KIAA1958: variants seen among roughly 807,000 people sequenced by gnomAD.
KIAA1958 encodes KIAA1958.
In KIAA1958, 14 loss-of-function variants were observed where a neutral mutation model predicts 47.2. That is an observed-to-expected ratio of 0.30 (90% CI 0.20 to 0.46). The LOEUF is 0.46. KIAA1958 is among the 20% of genes least tolerant of loss of function. KIAA1958 has a pLI of 1.00. For missense variants in KIAA1958, 803 were observed against 909.2 expected (o/e 0.88, Z 1.50); for synonymous variants, 354 against 353.3 (o/e 1.00, Z -0.02).
chr9:112,643,864 C>T (rs925840733), intron 2 of KIAA1958, among the ~76,000 whole-genome samples: 1 of 152,054 alleles, frequency 6.6e-6, no homozygotes, highest in Non-Finnish European at 1.5e-5. Context: ...AAAAAAAAGA[C>T]GGTATTTTGA....
chr9:112,516,282 A>AT (rs1834432820), intron 1 of KIAA1958, among the ~76,000 whole-genome samples: 1 of 151,752 alleles, frequency 6.6e-6, no homozygotes, highest in Admixed American at 6.6e-5. Context: ...CATCTCTTAA[A>AT]AAAAAAAAAG....
chr9:112,640,970 T>TC (rs1448424344), intron 2 of KIAA1958, among the ~76,000 whole-genome samples: 2 of 152,216 alleles, frequency 1.3e-5, no homozygotes, highest in East Asian at 3.8e-4. Flanking sequence ...CCATTATGCT[T>TC]CATCTATTTC....
At chr9:112,547,607 G>GT (rs1835062592) in intron 1 of KIAA1958, among the ~76,000 whole-genome samples, 1 of 151,804 alleles carries the variant, frequency 6.6e-6, no homozygotes, top group East Asian at 1.9e-4. Flanking sequence ...CAGACTCTTT[G>GT]TAGCAGTAAG....
chr9:112,601,839 C>T (rs1836138790), intron 2 of KIAA1958, among the ~76,000 whole-genome samples: 1 of 152,164 alleles, frequency 6.6e-6, no homozygotes. Flanking sequence ...GAGCAGATGA[C>T]TAATGTTTAT....
chr9:112,556,927 A>G, intron 1 of KIAA1958, among the ~76,000 whole-genome samples: 1 of 152,190 alleles, frequency 6.6e-6, no homozygotes, highest in East Asian at 1.9e-4. Flanking sequence ...GACATATTTC[A>G]GATCACAGTA....
At chr9:112,641,720 C>G (rs975965980) in intron 2 of KIAA1958, among the ~76,000 whole-genome samples, 4 of 151,852 alleles carry the variant, frequency 2.6e-5, no homozygotes, top group African/African-American at 9.7e-5. Flanking sequence ...CTTTGCCTGC[C>G]CTGTAGGGAA....
At chr9:112,579,628 GTATT>G (rs1835704323) in intron 2 of KIAA1958, among the ~76,000 whole-genome samples, 1 of 151,824 alleles carries the variant, frequency 6.6e-6, no homozygotes, top group South Asian at 2.1e-4. Context: ...TACTGTTTGA[GTATT>G]TATTTGTATA....
At position 112,574,770 on chromosome 9, in the gene KIAA1958, G is replaced by A; in HGVS notation, c.690G>A (p.Leu230=). 6.2e-7 allele frequency: 1 copy of A among 1,614,052 alleles called. No individual in the cohort carries two copies. Among genetic ancestry groups the A allele is most frequent in the South Asian group, 1.1e-5 (1 of 91,056 alleles). The change falls in exon 2 of 4, where the codon TTG becomes TTA. Residue 230 remains leucine (L), a synonymous_variant. Transcript: ENST00000337530. ...TGGVDGPALS[L]TQMAKPKPQT... ...GAGTAGATGGACCAGCCCTGTCCTT[G>A]ACACAGATGGCAAAACCCAAGCCTC... is the stretch of plus-strand genomic sequence containing the variant.
At chr9:112,605,574 A>G (rs1205279186) in intron 2 of KIAA1958, among the ~76,000 whole-genome samples, 3 of 152,228 alleles carry the variant, frequency 2.0e-5, no homozygotes, top group African/African-American at 7.2e-5. Context: ...TGCAAATCTG[A>G]CCATGTACTT....
At chr9:112,522,062 C>A (rs1253061462) in intron 1 of KIAA1958, among the ~76,000 whole-genome samples, 1 of 152,120 alleles carries the variant, frequency 6.6e-6, no homozygotes, top group Non-Finnish European at 1.5e-5. Context: ...ACCTCCGCCT[C>A]CCAGGTTCAA....
At chr9:112,506,704 C>CTT (rs879339905) in intron 1 of KIAA1958, among the ~76,000 whole-genome samples, 2 of 144,800 alleles carry the variant, frequency 1.4e-5, no homozygotes. Context: ...CAAGCTACTG[C>CTT]TTTTTTTTTT....
chr9:112,574,463 C>T lies in KIAA1958; in HGVS notation c.383C>T (p.Pro128Leu). Residue 128 changes from proline to leucine, a missense_variant, in exon 2 of 4, where the codon CCC becomes CTC. Pro to Leu is a moderately conservative substitution (Grantham distance 98, BLOSUM62 -3). Around this residue, in one of 2 missense-constraint regions of KIAA1958, gnomAD observed 761 missense variants for 829.3 expected, o/e 0.92. Transcript: ENST00000337530. Reference sequence around the variant, plus strand: ...TGTGACTTCTCCTACTGTAGTGAGCCCTCTGAACTGGATGAAACTGTTGAA... The same window carrying T: ...TGTGACTTCTCCTACTGTAGTGAGCTCTCTGAACTGGATGAAACTGTTGAA... Reference protein sequence around the residue: ...DSCDFSYCSEPSELDETVEEY... With the variant: ...DSCDFSYCSELSELDETVEEY... 2 of 1,614,054 alleles carry T rather than the reference C, an allele frequency of 1.2e-6. No homozygotes were observed. Among genetic ancestry groups the T allele is most frequent in the Non-Finnish European group, 1.7e-6 (2 of 1,179,994 alleles).
At chr9:112,589,045 G>A (rs772311942) in intron 2 of KIAA1958, among the ~76,000 whole-genome samples, 1 of 151,974 alleles carries the variant, frequency 6.6e-6, no homozygotes, top group Non-Finnish European at 1.5e-5. Flanking sequence ...CTCCCAGAGC[G>A]CTAGGTTTAC....
intron 1 of KIAA1958, among the ~76,000 whole-genome samples, chr9:112,524,436 A>G (rs1250204576): frequency 6.6e-6 from 1 of 152,384 alleles, no homozygotes; most frequent in East Asian, 1.9e-4. Flanking sequence ...ACTGTGACTG[A>G]GAAAGCGGCC....
intron 1 of KIAA1958, among the ~76,000 whole-genome samples, chr9:112,564,065 C>T (rs903812425): frequency 7.9e-5 from 12 of 152,148 alleles, no homozygotes; most frequent in South Asian, 2.1e-4. Context: ...CATCAATACT[C>T]ATGAGGAATA....
intron 3 of KIAA1958, among the ~76,000 whole-genome samples, chr9:112,655,264 A>T (rs373933337): frequency 3.5e-4 from 53 of 152,266 alleles, no homozygotes; most frequent in African/African-American, 1.3e-3. Context: ...TAAAATATTT[A>T]TGAAGATGGA....
chr9:112,538,625 G>A (rs1210461885), intron 1 of KIAA1958, among the ~76,000 whole-genome samples: 1 of 152,092 alleles, frequency 6.6e-6, no homozygotes, highest in Non-Finnish European at 1.5e-5. Flanking sequence ...GAACCAAATA[G>A]CATCAAGTAT....
intron 1 of KIAA1958, among the ~76,000 whole-genome samples, chr9:112,503,719 T>C (rs1834184469): frequency 6.7e-6 from 1 of 149,666 alleles, no homozygotes; most frequent in Non-Finnish European, 1.5e-5. Context: ...ATGCTGGTGG[T>C]AGTGGGTAGG....
At chr9:112,620,930 A>G (rs1030133023) in intron 2 of KIAA1958, among the ~76,000 whole-genome samples, 3 of 152,302 alleles carry the variant, frequency 2.0e-5, no homozygotes, top group East Asian at 1.9e-4. Flanking sequence ...GTACTTACAT[A>G]TTTATTTCTA....
Sources: gnomAD v4.1 joint callset for allele counts (sites outside exome capture counted in the v4.1 genomes callset) on GRCh38, gnomAD v4.1.1 for gene constraint, gnomAD v4.1.1 regional missense constraint, MANE v1.5 for transcripts, NCBI Gene and HGNC (gene_info 2026-07-23, HGNC 2026-07-21) for gene names.